Variants in KCNMB4 observed in about 807,000 individuals in gnomAD.
KCNMB4 encodes the protein potassium calcium-activated channel subfamily M regulatory beta subunit 4.
A neutral mutation model predicts 20.7 loss-of-function variants in KCNMB4; 3 were observed. The observed-to-expected ratio is 0.14, with a 90% confidence interval of 0.07 to 0.37. KCNMB4 has a LOEUF of 0.37. KCNMB4 is among the 10% of genes least tolerant of loss of function. KCNMB4 has a pLI of 1.00. For synonymous variants in KCNMB4, 110 were observed against 113.4 expected (o/e 0.97, Z 0.19); for missense variants, 168 against 265.9 (o/e 0.63, Z 2.56).
At chr12:70,385,903 A>G (rs1268132452) in intron 1 of KCNMB4, among the ~76,000 whole-genome samples, 1 of 152,188 alleles carries the variant, frequency 6.6e-6, no homozygotes, top group Non-Finnish European at 1.5e-5. Context: ...CTACAACTGT[A>G]AATGTTTCCA....
chr12:70,428,251 C>T (rs1170957983), intron 2 of KCNMB4, among the ~76,000 whole-genome samples: 1 of 152,214 alleles, frequency 6.6e-6, no homozygotes, highest in Non-Finnish European at 1.5e-5. Context: ...GCCTCTGTCT[C>T]CCAAAGTGCT....
intron 1 of KCNMB4, among the ~76,000 whole-genome samples, chr12:70,382,996 C>T (rs1883821125): frequency 6.6e-6 from 1 of 152,108 alleles, no homozygotes; most frequent in Non-Finnish European, 1.5e-5. Flanking sequence ...TATGAGTGTA[C>T]TGAATACTAT....
intron 2 of KCNMB4, chr12:70,422,779 C>T (rs1869100910): frequency 2.4e-6 from 3 of 1,271,866 alleles, no homozygotes; most frequent in South Asian, 2.6e-5. Context: ...CTTAATAGGC[C>T]CCCGATCTCA....
intron 2 of KCNMB4, among the ~76,000 whole-genome samples, chr12:70,408,602 T>C (rs997254182): frequency 3.3e-4 from 50 of 152,126 alleles, no homozygotes; most frequent in African/African-American, 1.2e-3. Context: ...GGGCAGTCAG[T>C]CTCGGTGCGG....
At chr12:70,410,740 T>G (rs1038967841) in intron 2 of KCNMB4, among the ~76,000 whole-genome samples, 1 of 152,176 alleles carries the variant, frequency 6.6e-6, no homozygotes, top group African/African-American at 2.4e-5. Flanking sequence ...ATTTACTGAT[T>G]GGAGGCTGAG....
chr12:70,392,671 T>C (rs554311022), intron 1 of KCNMB4, among the ~76,000 whole-genome samples: 1 of 152,332 alleles, frequency 6.6e-6, no homozygotes, highest in South Asian at 2.1e-4. Context: ...GATGAGTTCA[T>C]GTCCTTTGCA....
At chr12:70,428,690 G>A (rs1469566959) in intron 2 of KCNMB4, among the ~76,000 whole-genome samples, 4 of 152,196 alleles carry the variant, frequency 2.6e-5, no homozygotes, top group African/African-American at 4.8e-5. Flanking sequence ...TGCAACAGAG[G>A]CAGGCTCCTC....
chr12:70,379,132 T>C (rs1028199118), intron 1 of KCNMB4, among the ~76,000 whole-genome samples: 1 of 152,108 alleles, frequency 6.6e-6, no homozygotes, highest in Non-Finnish European at 1.5e-5. Flanking sequence ...ACAGGCAGAG[T>C]AGACTTAGCA....
chr12:70,416,580 T>C (rs1868919228), intron 2 of KCNMB4, among the ~76,000 whole-genome samples: 1 of 152,214 alleles, frequency 6.6e-6, no homozygotes, highest in African/African-American at 2.4e-5. Flanking sequence ...TATTTCTGTA[T>C]AGTATTTTTG....
chr12:70,378,266 A>G (rs1036807110), intron 1 of KCNMB4, among the ~76,000 whole-genome samples: 5 of 151,976 alleles, frequency 3.3e-5, no homozygotes, highest in Non-Finnish European at 5.9e-5. Flanking sequence ...TTCAAGCTCT[A>G]CTTCTAATTC....
At chr12:70,412,876 C>T (rs1370675942) in intron 2 of KCNMB4, among the ~76,000 whole-genome samples, 1 of 152,170 alleles carries the variant, frequency 6.6e-6, no homozygotes, top group African/African-American at 2.4e-5. Context: ...ACAGTCTTAT[C>T]ATTAGAGAAT....
Position 70,434,077 on chromosome 12 carries a change from G to A in KCNMB4, c.*3424G>A, listed in dbSNP as rs1370181859. The A allele has an allele frequency of 2.0e-5, 3 of 152,124 alleles. No individual in the cohort carries two copies. Among genetic ancestry groups the A allele is most frequent in the African/African-American group, 7.2e-5 (3 of 41,408 alleles). The allele number at this position is 152,124 out of a possible 1,614,324, so 9.4% of individuals were successfully genotyped here. ...CCTTCTCCCTTATGCTGCACATCTG[G>A]GCAAGCTGATGGAAGCATGGGTGCC... On this transcript the variant is annotated 3_prime_UTR_variant, in exon 3 of 3. Coordinates refer to ENST00000258111, the MANE Select transcript of KCNMB4 (RefSeq NM_014505.6).
intron 2 of KCNMB4, among the ~76,000 whole-genome samples, chr12:70,408,694 C>T (rs1317387701): frequency 1.3e-5 from 2 of 152,006 alleles, no homozygotes; most frequent in East Asian, 1.9e-4. Context: ...CCATTTGTGG[C>T]CCTCCCATAT....
Position 70,392,180 on chromosome 12 carries a change from T to A in KCNMB4, c.337-8029T>A, listed in dbSNP as rs146851600. 5.8e-4 allele frequency among the ~76,000 whole-genome samples: 88 copies of A among 152,344 alleles called. No individual in the cohort carries two copies. In the East Asian group the frequency reaches 0.015, roughly 26 times the overall value. On this transcript the variant is annotated intron_variant, in intron 1 of 2. Coordinates refer to ENST00000258111, the MANE Select transcript of KCNMB4 (RefSeq NM_014505.6). ...TGCCATCAATGAAGCCATCTGAATG[T>A]GTGCATGAACATTTAAGAAAGTTTT...
rs369075172 is a variant in KCNMB4 at position 70,383,684 on chromosome 12, C to A, written c.337-16525C>A. On this transcript the variant is annotated intron_variant, in intron 1 of 2. Coordinates refer to ENST00000258111, the MANE Select transcript of KCNMB4 (RefSeq NM_014505.6). ...TGCAATCCTTGCATTCCTTGGCCTG[C>A]AGTTGCATCACTCCAGTTGCTGCCT... 2.6e-5 allele frequency among the ~76,000 whole-genome samples: 4 copies of A among 152,360 alleles called. No individual in the cohort carries two copies. The South Asian group carries it at 8.3e-4, about 32-fold the overall frequency.
At chr12:70,394,305 G>C (rs964197377) in intron 1 of KCNMB4, among the ~76,000 whole-genome samples, 1 of 152,076 alleles carries the variant, frequency 6.6e-6, no homozygotes, top group East Asian at 1.9e-4. Flanking sequence ...CAGTTCAAGT[G>C]ATCTGTGGAA....
At chr12:70,369,244 T>A (rs1248949163) in intron 1 of KCNMB4, among the ~76,000 whole-genome samples, 1 of 152,246 alleles carries the variant, frequency 6.6e-6, no homozygotes, top group Non-Finnish European at 1.5e-5. Flanking sequence ...TGTAAGTTTG[T>A]TCTTTAGCAT....
chr12:70,398,179 T>C (rs890702846), intron 1 of KCNMB4, among the ~76,000 whole-genome samples: 3 of 152,066 alleles, frequency 2.0e-5, no homozygotes, highest in African/African-American at 7.2e-5. Context: ...TTCCCAGCCA[T>C]CTCCCCAGTG....
In KCNMB4 at chr12:70,366,818, C is replaced by T. The variant is rs748397922; in HGVS notation, c.84C>T (p.Gly28=). The change falls in exon 1 of 3, where the codon GGC becomes GGT. Residue 28 remains glycine, a synonymous_variant. Coordinates refer to ENST00000258111, the MANE Select transcript of KCNMB4 (RefSeq NM_014505.6). The part of the protein sequence containing the change: ...IRLGLFLIIS[G]VVSLFIFGFC... The stretch of plus-strand genomic sequence containing the variant: ...TCGGCTTGTTTCTCATCATCTCCGG[C>T]GTCGTGTCGCTCTTCATCTTCGGCT... 7 of 1,612,656 alleles carry T rather than the reference C, an allele frequency of 4.3e-6. No individual in the cohort carries two copies. The highest frequency in any genetic ancestry group is 5.1e-6 in the Non-Finnish European group (6 of 1,179,924).
Sources: gnomAD v4.1 joint callset for allele counts (sites outside exome capture counted in the v4.1 genomes callset) on GRCh38, gnomAD v4.1.1 for gene constraint, MANE v1.5 for transcripts, NCBI Gene and HGNC (gene_info 2026-07-23, HGNC 2026-07-21) for gene names.